Variants in ATP5PB observed in about 807,000 individuals in gnomAD.
ATP5PB encodes the protein ATP synthase peripheral stalk subunit b, mitochondrial.
Under a neutral mutation model 34.5 loss-of-function variants are expected in ATP5PB, and 21 were observed. The ratio of observed to expected loss-of-function variants is 0.61; its 90% CI spans 0.43 to 0.88. The LOEUF (loss-of-function observed/expected upper bound fraction) is 0.88. Among genes scored for constraint, ATP5PB ranks in the 40% least tolerant of loss-of-function variants. The pLI is 0.00. For missense variants in ATP5PB, 293 were observed against 317.4 expected (o/e 0.92, Z 0.58); for synonymous variants, 108 against 114.1 (o/e 0.95, Z 0.34).
intron 3 of ATP5PB, among the ~76,000 whole-genome samples, chr1:111,455,602 A>C (rs1653449025): frequency 6.6e-6 from 1 of 152,166 alleles, no homozygotes. Context: ...CCTAATATTT[A>C]TTCATCCTTT....
chr1:111,461,037 C>A lies in ATP5PB; in HGVS notation c.*43C>A. On this transcript the variant is annotated 3_prime_UTR_variant, in exon 7 of 7. Coordinates refer to ENST00000369722, the MANE Select transcript of ATP5PB (RefSeq NM_001688.5). Reference sequence around the variant, plus strand: ...GAGACAGCTAGAAACAGTTGACTGACTAAATGGAAACTAGTCTATTTGACA... The same window carrying A: ...GAGACAGCTAGAAACAGTTGACTGAATAAATGGAAACTAGTCTATTTGACA... The A allele has an allele frequency of 6.5e-7, 1 of 1,542,132 alleles. No homozygotes were observed. The highest frequency in any genetic ancestry group is 1.1e-5 in the South Asian group (1 of 88,636).
In ATP5PB at chr1:111,461,795, GGAGGCT is replaced by G. The variant is rs1359875928; in HGVS notation, c.*807_*812del. 1 of 152,252 alleles carries G rather than the reference GGAGGCT, an allele frequency of 6.6e-6. No homozygotes were observed. The highest frequency in any genetic ancestry group is 6.5e-5 in the Admixed American group (1 of 15,276). The allele number at this position is 152,252 out of a possible 1,614,324, so 9.4% of individuals were successfully genotyped here. A position where few individuals can be genotyped will look rare whatever the true frequency, so the allele number is the denominator to read the frequency against. ...AGGCGCCTGTAATCCCAGCTACTCAGGAGGCTGAGGCAGGAGAATTGCTTGAACGCA... is the reference window on the plus strand; with the variant it reads ...AGGCGCCTGTAATCCCAGCTACTCAGGAGGCAGGAGAATTGCTTGAACGCA... On this transcript the variant is annotated 3_prime_UTR_variant, in exon 7 of 7. Transcript: ENST00000369722.
In ATP5PB at chr1:111,449,505, A is replaced by G. The variant is rs1653237795; in HGVS notation, c.-37A>G. The G allele has an allele frequency of 5.6e-6, 9 of 1,614,176 alleles. No individual in the cohort carries two copies. The highest frequency in any genetic ancestry group is 6.8e-6 in the Non-Finnish European group (8 of 1,180,016). The stretch of plus-strand genomic sequence containing the variant: ...TGACAGATTCTCCTATCGGGGTCAC[A>G]GGGACGCTAAGATTGCTACCTGGAC... On this transcript the variant is annotated 5_prime_UTR_variant, in exon 1 of 7. Coordinates refer to ENST00000369722, the MANE Select transcript of ATP5PB (RefSeq NM_001688.5).
At chr1:111,456,499 C>T (rs559113104) in intron 4 of ATP5PB, 131 bp from the exon 5 acceptor site, 23 of 1,261,472 alleles carry the variant, frequency 1.8e-5, no homozygotes, top group South Asian at 9.2e-5. Flanking sequence ...AGGATTTGTG[C>T]GTTTCTTTCT....
chr1:111,451,384 C>T (rs950455852), intron 2 of ATP5PB, among the ~76,000 whole-genome samples: 3 of 152,140 alleles, frequency 2.0e-5, no homozygotes, highest in Non-Finnish European at 4.4e-5. Flanking sequence ...AAAACTCTTC[C>T]CCATTTTGTT....
intron 2 of ATP5PB, among the ~76,000 whole-genome samples, chr1:111,452,715 T>C (rs1653368422): frequency 6.6e-6 from 1 of 152,226 alleles, no homozygotes; most frequent in African/African-American, 2.4e-5. Flanking sequence ...AAATCAGTGC[T>C]TCTTAGCCTG....
In ATP5PB at chr1:111,449,568, C is replaced by T; in HGVS notation, c.27C>T (p.Ala9=). Residue 9 remains alanine, a synonymous_variant, in exon 1 of 7, where the codon GCC becomes GCT. Coordinates refer to ENST00000369722, the MANE Select transcript of ATP5PB (RefSeq NM_001688.5). Reference sequence around the variant, plus strand: ...TGCTGTCCCGGGTGGTACTTTCCGCCGCCGCCACAGCGGGTAAGGGGTATA... The same window carrying T: ...TGCTGTCCCGGGTGGTACTTTCCGCTGCCGCCACAGCGGGTAAGGGGTATA... The part of the protein sequence containing the change: MLSRVVLS[A]AATAAPSLKN... 1.9e-6 allele frequency: 3 copies of T among 1,609,606 alleles called. No individual in the cohort carries two copies. The highest frequency in any genetic ancestry group is 2.5e-6 in the Non-Finnish European group (3 of 1,177,470).
chr1:111,450,524 G>A (rs760836543), intron 2 of ATP5PB, among the ~76,000 whole-genome samples: 64 of 152,168 alleles, frequency 4.2e-4, no homozygotes, highest in Non-Finnish European at 7.3e-4. Context: ...TCTATAAAAT[G>A]GCGATAATAG....
rs539774261 is a variant in ATP5PB at position 111,454,232 on chromosome 1, C to T, written c.99C>T (p.Thr33=). Residue 33 remains threonine, a synonymous_variant, in exon 3 of 7, where the codon ACC becomes ACT. Coordinates refer to ENST00000369722, the MANE Select transcript of ATP5PB (RefSeq NM_001688.5). The stretch of plus-strand genomic sequence containing the variant: ...GTAGGGTATTGCAGGCAACAAGGAC[C>T]TTTCATACAGGGCAGCCACACCTTG... ...LGPGVLQATR[T]FHTGQPHLVP... The T allele has an allele frequency of 4.4e-6, 7 of 1,601,502 alleles. No individual in the cohort carries two copies. In the African/African-American group the frequency reaches 5.4e-5, roughly 12 times the overall value.
intron 2 of ATP5PB, among the ~76,000 whole-genome samples, chr1:111,450,750 A>G (rs12037360): frequency 0.2 from 30,649 of 152,234 alleles, 3,708 homozygotes; most frequent in Non-Finnish European, 0.28. Flanking sequence ...TGGACTTGAA[A>G]AAGTGGTCTT....
intron 2 of ATP5PB, 28 bp downstream of exon 2, chr1:111,449,901 G>C (rs541388936): frequency 6.2e-7 from 1 of 1,613,822 alleles, no homozygotes; most frequent in Non-Finnish European, 8.5e-7. Context: ...GCTCCCTTTC[G>C]TCTTTGTTTT....
Position 111,462,362 on chromosome 1 carries a change from T to C in ATP5PB, c.*1368T>C, listed in dbSNP as rs1270395492. On this transcript the variant is annotated 3_prime_UTR_variant, in exon 7 of 7. Coordinates refer to ENST00000369722, the MANE Select transcript of ATP5PB (RefSeq NM_001688.5). ...GAGTTATGGAGCTGGATAGTGGTGATGGTGGCACATTAAGGATGTATTTAA... is the reference window on the plus strand; with the variant it reads ...GAGTTATGGAGCTGGATAGTGGTGACGGTGGCACATTAAGGATGTATTTAA... 6.6e-6 allele frequency: 1 copy of C among 152,270 alleles called. No individual in the cohort carries two copies. The highest frequency in any genetic ancestry group is 1.5e-5 in the Non-Finnish European group (1 of 68,044). 9.4% of individuals were successfully genotyped at this position (152,270 alleles called of 1,614,324 possible). A position where few individuals can be genotyped will look rare whatever the true frequency, so the allele number is the denominator to read the frequency against.
rs143525671 is a variant in ATP5PB at position 111,454,282 on chromosome 1, A to G, written c.149A>G (p.Tyr50Cys). 83 of 1,613,468 alleles carry G rather than the reference A, an allele frequency of 5.1e-5. No homozygotes were observed. The highest frequency in any genetic ancestry group is 6.4e-5 in the Non-Finnish European group (75 of 1,179,866). The change falls in exon 3 of 7, where the codon TAC becomes TGC. Residue 50 changes from tyrosine to cysteine, a missense_variant. Coordinates refer to ENST00000369722, the MANE Select transcript of ATP5PB (RefSeq NM_001688.5). ...HLVPVPPLPE[Y>C]GGKVRYGLIP... ...GTCCCTGTACCACCTCTTCCTGAAT[A>G]CGGAGGAAAAGTTCGTTATGGACTG...
intron 6 of ATP5PB, among the ~76,000 whole-genome samples, chr1:111,460,653 T>C (rs1480254562): frequency 6.6e-6 from 1 of 152,212 alleles, no homozygotes; most frequent in East Asian, 1.9e-4. Flanking sequence ...ATATCTGGCC[T>C]CAAATTCTAT....
chr1:111,454,601 C>T (rs531340870), intron 3 of ATP5PB, among the ~76,000 whole-genome samples: 1 of 152,110 alleles, frequency 6.6e-6, no homozygotes, highest in South Asian at 2.1e-4. Context: ...TGGCGTGCAC[C>T]CGGCTCATTT....
chr1:111,459,178 A>G (rs974583238), intron 5 of ATP5PB, among the ~76,000 whole-genome samples: 5 of 152,176 alleles, frequency 3.3e-5, no homozygotes, highest in African/African-American at 1.2e-4. Context: ...TGATGGGTAT[A>G]CCTATATTTT....
intron 5 of ATP5PB, among the ~76,000 whole-genome samples, chr1:111,457,429 A>C (rs1342312368): frequency 6.6e-6 from 1 of 152,228 alleles, no homozygotes; most frequent in Non-Finnish European, 1.5e-5. Context: ...AACAATCTTT[A>C]GGAATATGTT....
intron 2 of ATP5PB, among the ~76,000 whole-genome samples, chr1:111,451,300 C>A (rs907640456): frequency 3.9e-5 from 6 of 152,292 alleles, no homozygotes; most frequent in African/African-American, 1.4e-4. Context: ...GCATTCTTGC[C>A]TCAATATCTT....
At position 111,449,578 on chromosome 1, in the gene ATP5PB, G is replaced by C; in HGVS notation, c.37G>C (p.Ala13Pro). Reference sequence around the variant, plus strand: ...GGTGGTACTTTCCGCCGCCGCCACAGCGGGTAAGGGGTATAGACCCTGCTC... The same window carrying C: ...GGTGGTACTTTCCGCCGCCGCCACACCGGGTAAGGGGTATAGACCCTGCTC... ...SRVVLSAAATAAPSLKNAAFL... is the reference protein window; with the variant it reads ...SRVVLSAAATPAPSLKNAAFL... Residue 13 changes from alanine (A) to proline (P), a missense_variant, in exon 1 of 7, where the codon GCG becomes CCG. By Grantham distance (27) the Ala-to-Pro change is conservative. Coordinates refer to ENST00000369722, the MANE Select transcript of ATP5PB (RefSeq NM_001688.5). The C allele has an allele frequency of 6.2e-7, 1 of 1,608,258 alleles. No individual in the cohort carries two copies. Among genetic ancestry groups the C allele is most frequent in the South Asian group, 1.1e-5 (1 of 90,208 alleles).
Sources: allele counts gnomAD v4.1 joint callset (sites outside exome capture counted in the v4.1 genomes callset), GRCh38; gene constraint gnomAD v4.1.1; transcripts MANE v1.5; gene names NCBI Gene and HGNC (gene_info 2026-07-23, HGNC 2026-07-21).